UNC13C: variants seen among roughly 807,000 people sequenced by gnomAD.
UNC13C encodes protein unc-13 homolog C.
UNC13C carries 174 observed loss-of-function variants against 245.4 expected under a neutral mutation model. The ratio of observed to expected loss-of-function variants is 0.71; its 90% CI spans 0.63 to 0.80. The LOEUF (loss-of-function observed/expected upper bound fraction) is 0.80, where lower values mean the gene tolerates loss of function less well. Among genes scored for constraint, UNC13C ranks in the 30% least tolerant of loss-of-function variants. The pLI is 0.00. For synonymous variants in UNC13C, 992 were observed against 895.1 expected, an observed-to-expected ratio of 1.11 and a Z score of -1.93; for missense variants, 2,829 against 2,602.9, an observed-to-expected ratio of 1.09 and a Z score of -1.89.
intron 19 of UNC13C, among the ~76,000 whole-genome samples, chr15:54,427,578 C>T (rs1281560850): frequency 2.0e-5 from 3 of 151,744 alleles, no homozygotes; most frequent in Non-Finnish European, 4.4e-5. Flanking sequence ...CAGAATTACC[C>T]AGTGTATTTA....
intron 19 of UNC13C, among the ~76,000 whole-genome samples, chr15:54,446,630 A>T (rs1021080280): frequency 6.6e-6 from 1 of 152,124 alleles, no homozygotes; most frequent in Non-Finnish European, 1.5e-5. Context: ...TGATTTTTGC[A>T]CTTTGATTTT....
rs565601651 is a variant in UNC13C, at chr15:54,002,181, G to A, written c.-256-10467G>A. ...GGCACCTGTAGTCCCAGCTACTCGG[G>A]AGGCTGAGGCAGGAGAATGGTGTGA... On this transcript the variant is annotated intron_variant, in intron 1 of 32. Transcript: ENST00000260323. Among the ~76,000 whole-genome samples the A allele has an allele frequency of 1.4e-4, 22 of 152,258 alleles. No homozygotes were observed. The East Asian group carries it at 4.3e-3, about 29-fold the overall frequency.
intron 29 of UNC13C, among the ~76,000 whole-genome samples, chr15:54,563,714 C>G (rs1379377862): frequency 3.3e-5 from 5 of 152,020 alleles, no homozygotes; most frequent in Non-Finnish European, 7.4e-5. Context: ...ATCAACTATA[C>G]TGCACTGAGC....
intron 19 of UNC13C, among the ~76,000 whole-genome samples, chr15:54,477,998 G>A (rs1892869984): frequency 6.7e-6 from 1 of 149,864 alleles, no homozygotes; most frequent in Admixed American, 6.6e-5. Flanking sequence ...CCTGTTATTG[G>A]TCTATTCAGA....
At chr15:54,002,432 T>TTG (rs1291368704) in intron 1 of UNC13C, among the ~76,000 whole-genome samples, 1 of 152,094 alleles carries the variant, frequency 6.6e-6, no homozygotes, top group Non-Finnish European at 1.5e-5. Flanking sequence ...CCTTGCGGGG[T>TTG]TGTTTTCAAG....
chr15:53,973,568 T>G (rs570220078), upstream of UNC13C, among the ~76,000 whole-genome samples: 6 of 148,452 alleles, frequency 4.0e-5, no homozygotes, highest in South Asian at 8.7e-4. Context: ...TAAATCAGTT[T>G]CCTGAATCAA....
intron 2 of UNC13C, among the ~76,000 whole-genome samples, chr15:54,071,067 T>C (rs1372791553): frequency 6.6e-6 from 1 of 152,210 alleles, no homozygotes; most frequent in East Asian, 1.9e-4. Context: ...TAGCAGAGTC[T>C]GGTGTAGCAT....
chr15:54,194,289 A>G (rs559802799), intron 4 of UNC13C, among the ~76,000 whole-genome samples: 9 of 152,238 alleles, frequency 5.9e-5, no homozygotes, highest in Admixed American at 1.3e-4. Flanking sequence ...TGTTTTATCA[A>G]TATCTCTTGT....
intron 18 of UNC13C, among the ~76,000 whole-genome samples, chr15:54,403,894 T>A (rs757057457): frequency 7.2e-5 from 11 of 152,120 alleles, no homozygotes; most frequent in Non-Finnish European, 1.6e-4. Flanking sequence ...ACTTGCTTTA[T>A]GGTACAAGAG....
intron 19 of UNC13C, among the ~76,000 whole-genome samples, chr15:54,465,153 G>T (rs1485864085): frequency 1.3e-5 from 2 of 151,864 alleles, no homozygotes; most frequent in African/African-American, 2.4e-5. Flanking sequence ...AAAACTAAAA[G>T]GAAACAGTCA....
At chr15:54,409,779 T>G (rs938139345) in intron 18 of UNC13C, among the ~76,000 whole-genome samples, 27 of 152,198 alleles carry the variant, frequency 1.8e-4, no homozygotes, top group Non-Finnish European at 1.5e-5. Flanking sequence ...CAGTCCACTG[T>G]GTATGGGCTT....
At chr15:54,507,343 G>T (rs988870819) in intron 23 of UNC13C, 149 bp downstream of exon 23, 1 of 591,734 alleles carries the variant, frequency 1.7e-6, no homozygotes, top group East Asian at 2.8e-5. Flanking sequence ...CTTCTCCAGG[G>T]TTCTTGAACT....
intron 1 of UNC13C, among the ~76,000 whole-genome samples, chr15:53,990,078 A>C (rs550106068): frequency 7.2e-5 from 11 of 152,084 alleles, no homozygotes; most frequent in Non-Finnish European, 1.6e-4. Flanking sequence ...TAAACGGGCC[A>C]TGATAACCAG....
At chr15:54,040,722 A>G (rs1188619142) in intron 2 of UNC13C, among the ~76,000 whole-genome samples, 1 of 152,180 alleles carries the variant, frequency 6.6e-6, no homozygotes, top group African/African-American at 2.4e-5. Context: ...TGTTTGCAGT[A>G]AACTGTCTTC....
chr15:54,068,384 T>A (rs971280263), intron 2 of UNC13C, among the ~76,000 whole-genome samples: 1 of 152,248 alleles, frequency 6.6e-6, no homozygotes, highest in African/African-American at 2.4e-5. Flanking sequence ...CCAATGTTCT[T>A]CCCACTCCAC....
chr15:54,573,688 A>G (rs1897848653), intron 30 of UNC13C, among the ~76,000 whole-genome samples: 1 of 152,222 alleles, frequency 6.6e-6, no homozygotes, highest in South Asian at 2.1e-4. Flanking sequence ...TTTCCCCCTC[A>G]GGAGACATAT....
In UNC13C at chr15:54,044,181, C is replaced by A. The variant is rs188580108; in HGVS notation, c.2983+28295C>A. Reference sequence around the variant, plus strand: ...ATAAATGGAATAATGTAAGATGTAGCCTTTTGCATCTGATTTCTTTTACAT... The same window carrying A: ...ATAAATGGAATAATGTAAGATGTAGACTTTTGCATCTGATTTCTTTTACAT... On this transcript the variant is annotated intron_variant, in intron 2 of 32. Transcript: ENST00000260323. Among the ~76,000 whole-genome samples, 9 of 152,250 alleles carry A rather than the reference C, an allele frequency of 5.9e-5. 1 individual carries two copies. The East Asian group carries it at 1.2e-3, about 20-fold the overall frequency.
Position 54,321,977 on chromosome 15 carries a change from G to C in UNC13C, c.4307G>C (p.Gly1436Ala), listed in dbSNP as rs772589057. The part of the protein sequence containing the change: ...SCLSSKYMCP[G>A]VPAVMSTLLA... ...CTGTCTTCTAAATACATGTGCCCCGGTGTCCCTGCCGTCATGAGCACCTTG... is the reference window on the plus strand; with the variant it reads ...CTGTCTTCTAAATACATGTGCCCCGCTGTCCCTGCCGTCATGAGCACCTTG... The change falls in exon 14 of 33, where the codon GGT (glycine) becomes GCT (alanine). Residue 1436 changes from glycine (G) to alanine (A), a missense_variant. Coordinates refer to ENST00000260323, the MANE Select transcript of UNC13C (RefSeq NM_001080534.3). 6.3e-7 allele frequency: 1 copy of C among 1,586,054 alleles called. No homozygotes were observed. Among genetic ancestry groups the C allele is most frequent in the Admixed American group, 1.8e-5 (1 of 55,910 alleles).
At chr15:54,296,631 A>G (rs916417005) in intron 11 of UNC13C, among the ~76,000 whole-genome samples, 2 of 152,192 alleles carry the variant, frequency 1.3e-5, no homozygotes, top group African/African-American at 4.8e-5. Context: ...ATGACGATTA[A>G]AGAATAACAG....
Sources: allele counts gnomAD v4.1 joint callset (sites outside exome capture counted in the v4.1 genomes callset), GRCh38; gene constraint gnomAD v4.1.1; transcripts MANE v1.5; gene names NCBI Gene and HGNC (gene_info 2026-07-23, HGNC 2026-07-21).